CCDC149: variants seen among roughly 807,000 people sequenced by gnomAD.
The protein encoded by CCDC149 is coiled-coil domain containing 149.
CCDC149 carries 45 observed loss-of-function variants against 59.9 expected under a neutral mutation model. The ratio of observed to expected loss-of-function variants is 0.75; its 90% CI spans 0.59 to 0.96. The LOEUF is 0.96. CCDC149 is among the 40% of genes least tolerant of loss of function. CCDC149 has a pLI of 0.00. For synonymous variants in CCDC149, 245 were observed against 260.6 expected, an observed-to-expected ratio of 0.94 and a Z score of 0.58; for missense variants, 584 against 664.7, an observed-to-expected ratio of 0.88 and a Z score of 1.33.
intron 2 of CCDC149, 72 bp downstream of exon 2, chr4:24,876,464 G>T: frequency 1.4e-6 from 2 of 1,464,260 alleles, no homozygotes; most frequent in Non-Finnish European, 9.2e-7. Flanking sequence ...TAAAGAAACA[G>T]CATGTGAAAA....
intron 1 of CCDC149, among the ~76,000 whole-genome samples, chr4:24,902,979 T>G (rs11731621): frequency 0.44 from 59,697 of 134,756 alleles, 14,560 homozygotes; most frequent in Middle Eastern, 0.57. Context: ...GAGCCGAGAC[T>G]GTGCCATTAC....
chr4:24,937,560 A>G (rs1162908850), intron 1 of CCDC149, among the ~76,000 whole-genome samples: 2 of 152,258 alleles, frequency 1.3e-5, no homozygotes, highest in Non-Finnish European at 2.9e-5. Flanking sequence ...GTAGTTAAGC[A>G]TGAGGCTCTG....
chr4:24,822,921 G>C (rs990923494), intron 9 of CCDC149: 5 of 170,392 alleles, frequency 2.9e-5, no homozygotes, highest in African/African-American at 9.5e-5. Context: ...AATAAATTTT[G>C]AATACCCTTA....
chr4:24,873,793 A>G (rs1577435445), intron 2 of CCDC149, 74 bp from the exon 3 acceptor site: 2 of 1,192,342 alleles, frequency 1.7e-6, no homozygotes, highest in South Asian at 1.3e-5. Flanking sequence ...GTTGAACTAA[A>G]TTATGAACCT....
chr4:24,910,577 C>T (rs534734611), intron 1 of CCDC149, among the ~76,000 whole-genome samples: 12 of 152,302 alleles, frequency 7.9e-5, no homozygotes, highest in African/African-American at 2.6e-4. Context: ...CTCTAAGAAA[C>T]ACCAAGCCAT....
At chr4:24,900,221 T>C (rs1721084532) in intron 1 of CCDC149, among the ~76,000 whole-genome samples, 2 of 152,218 alleles carry the variant, frequency 1.3e-5, no homozygotes. Flanking sequence ...ATGCTCACTA[T>C]GTAACTGGCA....
intron 4 of CCDC149, among the ~76,000 whole-genome samples, chr4:24,839,212 C>T (rs1259966663): frequency 1.3e-5 from 2 of 151,300 alleles, no homozygotes; most frequent in Non-Finnish European, 2.9e-5. Flanking sequence ...CGGAGTCTCG[C>T]TCTGTCGCCC....
intron 1 of CCDC149, among the ~76,000 whole-genome samples, chr4:24,965,259 G>A (rs557286617): frequency 9.3e-5 from 14 of 151,264 alleles, no homozygotes; most frequent in South Asian, 4.2e-4. Context: ...ATTAGTGTAC[G>A]TAGAGAAAAA....
intron 8 of CCDC149, among the ~76,000 whole-genome samples, chr4:24,832,200 A>C (rs986744754): frequency 6.6e-6 from 1 of 152,242 alleles, no homozygotes; most frequent in Non-Finnish European, 1.5e-5. Flanking sequence ...TGAAGGTATT[A>C]TAGAAAAGGT....
chr4:24,881,276 C>T (rs12507428), intron 1 of CCDC149, among the ~76,000 whole-genome samples: 63,944 of 152,078 alleles, frequency 0.42, 14,615 homozygotes, highest in Non-Finnish European at 0.52. Context: ...TGTGGCAGGA[C>T]GGTCCATCCC....
chr4:24,967,440 C>T (rs1459393863), intron 1 of CCDC149, among the ~76,000 whole-genome samples: 8 of 152,106 alleles, frequency 5.3e-5, no homozygotes, highest in East Asian at 1.9e-4. Flanking sequence ...ACACCCCCTT[C>T]GCATGCAGCT....
chr4:24,886,843 T>C (rs1277242084), intron 1 of CCDC149, among the ~76,000 whole-genome samples: 2 of 152,144 alleles, frequency 1.3e-5, no homozygotes, highest in African/African-American at 4.8e-5. Context: ...ACAGCTGGTG[T>C]ATACTAACAC....
chr4:24,811,859 T>C (rs932364340), intron 12 of CCDC149, among the ~76,000 whole-genome samples: 50 of 136,588 alleles, frequency 3.7e-4, no homozygotes, highest in African/African-American at 1.3e-3. Flanking sequence ...GGCTACAGAG[T>C]GAGACTCCGA....
intron 1 of CCDC149, among the ~76,000 whole-genome samples, chr4:24,979,866 T>A (rs923920359): frequency 6.6e-5 from 10 of 152,192 alleles, no homozygotes; most frequent in Admixed American, 1.3e-4. Context: ...TGCGTCGATG[T>A]TAATTCCGGT....
In CCDC149 at chr4:24,831,605, G is replaced by A. The variant is rs757434544; in HGVS notation, c.866C>T (p.Thr289Ile). The change falls in exon 9 of 13, where the codon ACT (threonine) becomes ATT (isoleucine). Residue 289 changes from threonine (T) to isoleucine (I), a missense_variant. Thr to Ile is a moderately conservative substitution (Grantham distance 89). Transcript: ENST00000635206. ...TTTCAGGTCAGAAATGGACTGCGGA[G>A]TAGCTGGGAGGCTGCATCCATGATC... 3 of 1,613,958 alleles carry A rather than the reference G, an allele frequency of 1.9e-6. No individual in the cohort carries two copies. Among genetic ancestry groups the A allele is most frequent in the South Asian group, 2.2e-5 (2 of 91,080 alleles).
chr4:24,850,479 T>C (rs1228914291), intron 4 of CCDC149, among the ~76,000 whole-genome samples: 1 of 152,038 alleles, frequency 6.6e-6, no homozygotes, highest in African/African-American at 2.4e-5. Flanking sequence ...GGGAAGAGTA[T>C]TCCAGATTGA....
At chr4:24,963,049 A>C (rs73250658) in intron 1 of CCDC149, among the ~76,000 whole-genome samples, 2,258 of 152,194 alleles carry the variant, frequency 0.015, 28 homozygotes, top group South Asian at 0.027. Flanking sequence ...GTGGACTAAC[A>C]CCTGAAAACC....
chr4:24,830,591 G>C (rs1716080497), intron 9 of CCDC149: 1 of 152,094 alleles, frequency 6.6e-6, no homozygotes, highest in African/African-American at 2.4e-5. Context: ...GCGTTCGTCA[G>C]GCCCCGGATT....
In CCDC149 at chr4:24,932,358, A is replaced by G. The variant is rs185872850; in HGVS notation, c.-64-37240T>C. Among the ~76,000 whole-genome samples the G allele has an allele frequency of 4.6e-5, 7 of 152,230 alleles. No individual in the cohort carries two copies. The East Asian group carries it at 1.4e-3, about 29-fold the overall frequency. On this transcript the variant is annotated intron_variant, in intron 1 of 12. Transcript: ENST00000389609. Reference sequence around the variant, plus strand: ...ACCAGGAATCACTTTAGGAGATGTGATTATTTCTCCTTTAAAAGCTAGAGG... The same window carrying G: ...ACCAGGAATCACTTTAGGAGATGTGGTTATTTCTCCTTTAAAAGCTAGAGG...
Sources: gnomAD v4.1 joint callset for allele counts (sites outside exome capture counted in the v4.1 genomes callset) on GRCh38, gnomAD v4.1.1 for gene constraint, MANE v1.5 for transcripts, NCBI Gene and HGNC (gene_info 2026-07-23, HGNC 2026-07-21) for gene names.